The following DISC1 variants were observed in gnomAD, a reference collection of about 807,000 sequenced individuals.
DISC1 encodes disrupted in schizophrenia 1 protein.
A neutral mutation model predicts 84.5 loss-of-function variants in DISC1; 57 were observed. That is an observed-to-expected ratio of 0.67 (90% CI 0.55 to 0.84). DISC1 has a LOEUF of 0.84. Among genes scored for constraint, DISC1 ranks in the 40% least tolerant of loss-of-function variants. The probability of loss-of-function intolerance (pLI) is 0.00; values close to 1 mark genes in which losing one functional copy is unlikely to be tolerated. For synonymous variants in DISC1, 411 were observed against 415.2 expected (o/e 0.99, Z 0.12); for missense variants, 1,000 against 1,057.8 (o/e 0.95, Z 0.76).
In DISC1 at chr1:231,767,156, A is replaced by G. The variant is rs747207245; in HGVS notation, c.1285A>G (p.Thr429Ala). The change falls in exon 5 of 13, where the codon ACC (threonine) becomes GCC (alanine). Residue 429 changes from threonine (T) to alanine (A), a missense_variant. Thr to Ala is a moderately conservative substitution (Grantham distance 58, BLOSUM62 0). Around this residue, in one of 3 missense-constraint regions of DISC1, gnomAD observed 311 missense variants for 400.1 expected, o/e 0.78. Coordinates refer to ENST00000439617, the MANE Select transcript of DISC1 (RefSeq NM_018662.3). ...TGTTTTAAGGGCCAGCGGAGATGAC[A>G]CCCACACCCCACTGAGAATGGAGCC... ...GATQQASGDD[T>A]HTPLRMEPRL... 1.2e-6 allele frequency: 2 copies of G among 1,614,152 alleles called. No homozygotes were observed. Among genetic ancestry groups the G allele is most frequent in the Non-Finnish European group, 1.7e-6 (2 of 1,180,034 alleles).
chr1:231,713,213 T>A (rs1456448721), intron 3 of DISC1, among the ~76,000 whole-genome samples: 2 of 152,280 alleles, frequency 1.3e-5, no homozygotes, highest in Non-Finnish European at 2.9e-5. Flanking sequence ...ATTATAATAT[T>A]TAAGTGCCCA....
chr1:231,843,339 T>G (rs2083216675), intron 9 of DISC1, among the ~76,000 whole-genome samples: 2 of 151,994 alleles, frequency 1.3e-5, no homozygotes, highest in Non-Finnish European at 2.9e-5. Context: ...GCTCCAGAAT[T>G]AGGCAGGGGC....
At chr1:231,976,382 G>T (rs1296191125) in intron 10 of DISC1, among the ~76,000 whole-genome samples, 1 of 152,152 alleles carries the variant, frequency 6.6e-6, no homozygotes, top group Non-Finnish European at 1.5e-5. Context: ...GAAGGAATGG[G>T]GCACAGAACA....
intron 9 of DISC1, among the ~76,000 whole-genome samples, chr1:231,846,029 G>C (rs1037789496): frequency 6.6e-6 from 1 of 152,066 alleles, no homozygotes; most frequent in East Asian, 1.9e-4. Context: ...CAATGAGAAG[G>C]ACAGCTTGGG....
At chr1:231,983,670 C>T (rs1168799662) in intron 10 of DISC1, among the ~76,000 whole-genome samples, 1 of 148,970 alleles carries the variant, frequency 6.7e-6, no homozygotes, top group Non-Finnish European at 1.5e-5. Flanking sequence ...TGGGGTGGGA[C>T]CCTTTCCTCC....
chr1:232,001,083 AT>A (rs1211128821), intron 10 of DISC1, among the ~76,000 whole-genome samples: 1 of 147,796 alleles, frequency 6.8e-6, no homozygotes, highest in African/African-American at 2.5e-5. Context: ...ATAGTATTTT[AT>A]TTTATTTTAT....
chr1:231,713,890 A>G (rs2068303841), intron 3 of DISC1, among the ~76,000 whole-genome samples: 4 of 149,546 alleles, frequency 2.7e-5, no homozygotes, highest in Admixed American at 1.3e-4. Flanking sequence ...CACTGTTGTT[A>G]TTCAACATTG....
intron 6 of DISC1, among the ~76,000 whole-genome samples, chr1:231,792,559 A>G (rs375588117): frequency 6.6e-6 from 1 of 152,202 alleles, no homozygotes; most frequent in African/African-American, 2.4e-5. Flanking sequence ...TTTATTAAAA[A>G]TGTATTTGTT....
chr1:231,910,873 T>C (rs1259628462), intron 9 of DISC1, among the ~76,000 whole-genome samples: 1 of 152,222 alleles, frequency 6.6e-6, no homozygotes, highest in Non-Finnish European at 1.5e-5. Flanking sequence ...ATTGTGTGCA[T>C]ATATATTTAG....
intron 1 of DISC1, among the ~76,000 whole-genome samples, chr1:231,655,095 C>T (rs2060944080): frequency 6.6e-6 from 1 of 152,288 alleles, no homozygotes; most frequent in South Asian, 2.1e-4. Context: ...TGCAAACCAA[C>T]AAATTCTTTT....
At chr1:232,001,022 G>A (rs1235122059) in intron 10 of DISC1, among the ~76,000 whole-genome samples, 1 of 152,164 alleles carries the variant, frequency 6.6e-6, no homozygotes, top group African/African-American at 2.4e-5. Flanking sequence ...TTTATGTATT[G>A]TATTATGGTG....
intron 1 of DISC1, among the ~76,000 whole-genome samples, chr1:231,652,545 T>C (rs1355162860): frequency 1.3e-5 from 2 of 152,102 alleles, no homozygotes; most frequent in Non-Finnish European, 2.9e-5. Flanking sequence ...ATAGGCATTG[T>C]AAAAAGTCAA....
intron 1 of DISC1, among the ~76,000 whole-genome samples, chr1:231,631,660 G>A (rs753309237): frequency 2.0e-4 from 31 of 151,718 alleles, no homozygotes; most frequent in Admixed American, 5.2e-4. Context: ...AGGATAATAA[G>A]GATATAAAGA....
rs188634260 is a variant in DISC1 at position 231,907,970 on chromosome 1, C to T, written c.1982-50858C>T. Among the ~76,000 whole-genome samples, 333 of 152,260 alleles carry T rather than the reference C, an allele frequency of 2.2e-3. 4 individuals are homozygous for T. Among genetic ancestry groups the T allele is most frequent in the African/African-American group, 7.8e-3 (323 of 41,540 alleles). ...ATGTGTCTGTTGGCTGCATAAATGT[C>T]TTCTTTTGAGAAGTGTCTGTTCATA... On this transcript the variant is annotated intron_variant, in intron 9 of 12. Coordinates refer to ENST00000439617, the MANE Select transcript of DISC1 (RefSeq NM_018662.3).
Position 232,036,820 on chromosome 1 carries a change from G to T in DISC1, c.2554G>T (p.Ala852Ser), listed in dbSNP as rs746443648. 6.4e-7 allele frequency: 1 copy of T among 1,566,902 alleles called. No individual in the cohort carries two copies. Among genetic ancestry groups the T allele is most frequent in the Non-Finnish European group, 8.7e-7 (1 of 1,152,602 alleles). ...CTGCATGACAGCTGGTGTCCACGAA[G>T]CACAAGCCTGAGGAGTGACGGGATG... ...ASCMTAGVHEAQA is the reference protein window; with the variant it reads ...ASCMTAGVHESQA Residue 852 changes from alanine (A) to serine (S), a missense_variant, in exon 13 of 13, where the codon GCA (alanine) becomes TCA (serine). Transcript: ENST00000439617.
Position 231,723,869 on chromosome 1 carries a change from G to C in DISC1, c.1117+21845G>C, listed in dbSNP as rs568002263. The stretch of plus-strand genomic sequence containing the variant: ...CATCTTCTTACCCAAACAACCAGGA[G>C]CATTTGTTGGCAAGTTTATTGTGCC... On this transcript the variant is annotated intron_variant, in intron 3 of 12. Coordinates refer to ENST00000439617, the MANE Select transcript of DISC1 (RefSeq NM_018662.3). The C allele has an allele frequency of 3.0e-6, 3 of 985,418 alleles. No homozygotes were observed. In the East Asian group the frequency reaches 3.4e-4, roughly 112 times the overall value. 61.0% of individuals were successfully genotyped at this position (985,418 alleles called of 1,614,324 possible). A position where few individuals can be genotyped will look rare whatever the true frequency, so the allele number is the denominator to read the frequency against.
intron 9 of DISC1, chr1:231,819,328 C>A: frequency 4.3e-6 from 1 of 230,406 alleles, no homozygotes; most frequent in Non-Finnish European, 7.3e-6. Context: ...GTAAATACTC[C>A]GTAAATTGAA....
chr1:231,682,924 G>C (rs2063831657), intron 1 of DISC1, among the ~76,000 whole-genome samples: 1 of 152,172 alleles, frequency 6.6e-6, no homozygotes, highest in Admixed American at 6.5e-5. Context: ...ACACGAAGTG[G>C]GCTGGATGTC....
intron 3 of DISC1, among the ~76,000 whole-genome samples, chr1:231,737,416 C>A (rs115476069): frequency 2.6e-5 from 4 of 152,226 alleles, no homozygotes; most frequent in Non-Finnish European, 5.9e-5. Flanking sequence ...CTGCTATGTG[C>A]AGTACACTTG....
Sources: gnomAD v4.1 joint callset for allele counts (sites outside exome capture counted in the v4.1 genomes callset) on GRCh38, gnomAD v4.1.1 for gene constraint, gnomAD v4.1.1 regional missense constraint, MANE v1.5 for transcripts, NCBI Gene and HGNC (gene_info 2026-07-23, HGNC 2026-07-21) for gene names.